Variants in TMTC2 observed in about 807,000 individuals in gnomAD.
TMTC2 encodes the protein protein O-mannosyl-transferase TMTC2.
A neutral mutation model predicts 82.4 loss-of-function variants in TMTC2; 43 were observed. The ratio of observed to expected loss-of-function variants is 0.52; its 90% CI spans 0.41 to 0.67. The LOEUF (loss-of-function observed/expected upper bound fraction) is 0.67. Among genes scored for constraint, TMTC2 ranks in the 30% least tolerant of loss-of-function variants. The pLI, the probability that TMTC2 is intolerant of heterozygous loss-of-function variation, is 0.00. For synonymous variants in TMTC2, 408 were observed against 381.9 expected, an observed-to-expected ratio of 1.07 and a Z score of -0.80; for missense variants, 919 against 1,012.4, an observed-to-expected ratio of 0.91 and a Z score of 1.25.
At chr12:82,817,298 T>C (rs1171862652) in intron 1 of TMTC2, among the ~76,000 whole-genome samples, 1 of 152,082 alleles carries the variant, frequency 6.6e-6, no homozygotes. Context: ...TGAAAGTCTA[T>C]TGGTTTTTGT....
chr12:83,072,439 A>C (rs947872483), intron 11 of TMTC2, among the ~76,000 whole-genome samples: 1 of 151,954 alleles, frequency 6.6e-6, no homozygotes, highest in African/African-American at 2.4e-5. Context: ...TCTGTTTTGG[A>C]GAAAGTTCCA....
chr12:82,875,985 T>G (rs978473036), intron 2 of TMTC2, among the ~76,000 whole-genome samples: 28 of 142,848 alleles, frequency 2.0e-4, no homozygotes, highest in African/African-American at 5.8e-4. Flanking sequence ...AGAGTTGTTG[T>G]TGGTGGTGTT....
At chr12:82,831,319 C>T (rs1033807207) in intron 1 of TMTC2, among the ~76,000 whole-genome samples, 2 of 152,180 alleles carry the variant, frequency 1.3e-5, no homozygotes, top group Non-Finnish European at 2.9e-5. Flanking sequence ...GCTGCAACTG[C>T]AAACATCAAA....
intron 1 of TMTC2, among the ~76,000 whole-genome samples, chr12:82,784,271 T>C (rs916209530): frequency 6.6e-6 from 1 of 152,142 alleles, no homozygotes; most frequent in African/African-American, 2.4e-5. Context: ...TTTGTGCAAC[T>C]CTTTCCTTTT....
chr12:82,829,545 TAAGAA>T (rs932585148), intron 1 of TMTC2, among the ~76,000 whole-genome samples: 4 of 152,186 alleles, frequency 2.6e-5, no homozygotes, highest in Non-Finnish European at 4.4e-5. Flanking sequence ...TCATTGACTT[TAAGAA>T]AAGAGGCATC....
Position 82,751,631 on chromosome 12 carries a change from T to C in TMTC2, c.83+63962T>C, listed in dbSNP as rs140395294. Among the ~76,000 whole-genome samples, 211 of 152,298 alleles carry C rather than the reference T, an allele frequency of 1.4e-3. 1 individual carries two copies. Among genetic ancestry groups the C allele is most frequent in the African/African-American group, 4.9e-3 (205 of 41,550 alleles). On this transcript the variant is annotated intron_variant, in intron 1 of 11. Transcript: ENST00000321196. The stretch of plus-strand genomic sequence containing the variant: ...AATTGTCACTTAATGGGAAAGGTTT[T>C]AAGGTTTACAATGGCTAATAAAGAA...
chr12:83,006,362 T>G, intron 8 of TMTC2, among the ~76,000 whole-genome samples: 1 of 152,202 alleles, frequency 6.6e-6, no homozygotes, highest in East Asian at 1.9e-4. Context: ...TGTGTCTACT[T>G]GGCCCTCTTT....
chr12:82,770,883 C>T (rs1027569501), intron 1 of TMTC2, among the ~76,000 whole-genome samples: 3 of 152,102 alleles, frequency 2.0e-5, no homozygotes, highest in African/African-American at 7.2e-5. Flanking sequence ...CCAAATGTCT[C>T]GATCACCAAA....
chr12:83,104,106 A>G (rs1884319931), intron 11 of TMTC2, among the ~76,000 whole-genome samples: 1 of 152,216 alleles, frequency 6.6e-6, no homozygotes, highest in South Asian at 2.1e-4. Flanking sequence ...GGTGCAAGGG[A>G]TGAGTTCCCA....
At chr12:83,059,232 T>A (rs1202431351) in intron 10 of TMTC2, among the ~76,000 whole-genome samples, 1 of 151,824 alleles carries the variant, frequency 6.6e-6, no homozygotes, top group African/African-American at 2.4e-5. Flanking sequence ...TTTTCAAATA[T>A]TGATTAATGA....
chr12:82,701,836 A>G (rs150352358), intron 1 of TMTC2, among the ~76,000 whole-genome samples: 1 of 152,122 alleles, frequency 6.6e-6, no homozygotes, highest in East Asian at 1.9e-4. Flanking sequence ...ACATTTTTCT[A>G]GGGATTCCCT....
intron 2 of TMTC2, among the ~76,000 whole-genome samples, chr12:82,865,438 A>T (rs1374276228): frequency 6.6e-6 from 1 of 152,202 alleles, no homozygotes; most frequent in Non-Finnish European, 1.5e-5. Flanking sequence ...TGGTAAAGGG[A>T]TCAATTCAAC....
chr12:82,708,814 C>T (rs1344088995), intron 1 of TMTC2, among the ~76,000 whole-genome samples: 4 of 152,238 alleles, frequency 2.6e-5, no homozygotes, highest in East Asian at 1.9e-4. Context: ...CTTCAATGTG[C>T]TCTCCAAGTG....
At chr12:83,005,701 G>T (rs562693915) in intron 8 of TMTC2, among the ~76,000 whole-genome samples, 5 of 152,312 alleles carry the variant, frequency 3.3e-5, no homozygotes, top group South Asian at 4.1e-4. Flanking sequence ...GTGGAGGCAG[G>T]GGGTTTTGGC....
At position 83,032,254 on chromosome 12, in the gene TMTC2, A is replaced by ATT. The variant is rs1166468971; in HGVS notation, c.2152+1378_2152+1379dup. On this transcript the variant is annotated intron_variant, in intron 9 of 11. Coordinates refer to ENST00000321196, the MANE Select transcript of TMTC2 (RefSeq NM_152588.3). ...TGTTTCCTATAATATTATAGAGAAT[A>ATT]TTTTATATATATATATATATATATA... Among the ~76,000 whole-genome samples the ATT allele has an allele frequency of 8.7e-5, 9 of 103,370 alleles. No individual in the cohort carries two copies. The South Asian group carries it at 9.7e-4, about 11-fold the overall frequency. The allele number at this position is 103,370 out of a possible 152,430, so 67.8% of individuals were successfully genotyped here.
intron 8 of TMTC2, among the ~76,000 whole-genome samples, chr12:83,006,674 T>C (rs1211531484): frequency 6.6e-6 from 1 of 152,208 alleles, no homozygotes; most frequent in African/African-American, 2.4e-5. Flanking sequence ...TGTGGGACTA[T>C]TCACAATAGC....
intron 1 of TMTC2, among the ~76,000 whole-genome samples, chr12:82,854,044 T>C (rs2137111008): frequency 6.6e-6 from 1 of 152,280 alleles, no homozygotes; most frequent in African/African-American, 2.4e-5. Context: ...TGTTTTAATT[T>C]AATAGATCCA....
chr12:83,050,709 T>G (rs1258932305), intron 9 of TMTC2, among the ~76,000 whole-genome samples, 195 bp from the exon 10 acceptor site: 1 of 152,114 alleles, frequency 6.6e-6, no homozygotes, highest in Non-Finnish European at 1.5e-5. Flanking sequence ...AAAAAAATGT[T>G]TAAGTTAGCA....
Position 83,089,846 on chromosome 12 carries a change from AC to A in TMTC2, c.2331+28016del, listed in dbSNP as rs1360018895. 6.3e-3 allele frequency among the ~76,000 whole-genome samples: 933 copies of A among 149,258 alleles called. 4 individuals are homozygous for A. Among genetic ancestry groups the A allele is most frequent in the African/African-American group, 0.02 (797 of 39,880 alleles). ...TAGCAAAAAAAACAAAAAACAAAAA[AC>A]AAAAAAAAAAAAACTATTTTAATCT... On this transcript the variant is annotated intron_variant, in intron 11 of 11. Transcript: ENST00000321196.
Sources: allele counts gnomAD v4.1 joint callset (sites outside exome capture counted in the v4.1 genomes callset), GRCh38; gene constraint gnomAD v4.1.1; transcripts MANE v1.5; gene names NCBI Gene and HGNC (gene_info 2026-07-23, HGNC 2026-07-21).